The following OSBPL10 variants were observed in gnomAD, a reference collection of about 807,000 sequenced individuals.
OSBPL10 encodes oxysterol-binding protein-related protein 10.
A neutral mutation model predicts 81.7 loss-of-function variants in OSBPL10; 49 were observed. The observed-to-expected ratio is 0.60, with a 90% confidence interval of 0.48 to 0.76. The LOEUF is 0.76. Ranked by LOEUF, OSBPL10 falls within the 30% of genes least tolerant of loss-of-function variation. The pLI, the probability that OSBPL10 is intolerant of heterozygous loss-of-function variation, is 0.00. For synonymous variants in OSBPL10, 419 were observed against 383.6 expected (o/e 1.09, Z -1.08); for missense variants, 923 against 987.8 (o/e 0.93, Z 0.88).
chr3:31,664,767 G>A, intron 10 of OSBPL10: 1 of 175,348 alleles, frequency 5.7e-6, no homozygotes, highest in East Asian at 1.5e-4. Context: ...GGGGTTAGAG[G>A]CTGATGCATG....
chr3:31,944,555 C>T (rs760033241), intron 1 of OSBPL10, among the ~76,000 whole-genome samples: 2 of 152,156 alleles, frequency 1.3e-5, no homozygotes. Context: ...AAAACCACCA[C>T]CTTCCTGATA....
At chr3:31,963,248 A>ATC (rs1467580300) in intron 1 of OSBPL10, among the ~76,000 whole-genome samples, 1 of 145,458 alleles carries the variant, frequency 6.9e-6, no homozygotes, top group Non-Finnish European at 1.5e-5. Flanking sequence ...ACATCCATCC[A>ATC]TCTCCCTCCC....
intron 1 of OSBPL10, 51 bp from the exon 2 acceptor site, chr3:31,879,881 ACAG>A (rs753733981): frequency 1.3e-6 from 2 of 1,538,834 alleles, no homozygotes; most frequent in Non-Finnish European, 1.7e-6. Context: ...CCTATTCTGC[ACAG>A]CAAAGCAGAA....
intron 5 of OSBPL10, among the ~76,000 whole-genome samples, chr3:31,739,107 T>C (rs76065372): frequency 0.044 from 6,723 of 152,162 alleles, 486 homozygotes; most frequent in African/African-American, 0.15. Context: ...GGCTGGAGTA[T>C]AGTGCTATTC....
At chr3:31,940,360 G>A (rs2125737507) in intron 1 of OSBPL10, among the ~76,000 whole-genome samples, 1 of 152,318 alleles carries the variant, frequency 6.6e-6, no homozygotes, top group South Asian at 2.1e-4. Flanking sequence ...CATGAAATCT[G>A]AGAAAGACAT....
chr3:31,768,171 G>A (rs1698258724), intron 4 of OSBPL10, among the ~76,000 whole-genome samples: 1 of 152,156 alleles, frequency 6.6e-6, no homozygotes, highest in Admixed American at 6.5e-5. Context: ...CTGTCATGGC[G>A]CTGGTGGGAG....
chr3:31,812,790 GAAAGAAAGAAAGAA>G (rs1699732799), intron 4 of OSBPL10, among the ~76,000 whole-genome samples: 1 of 46,266 alleles, frequency 2.2e-5, no homozygotes, highest in African/African-American at 1.0e-4. Flanking sequence ...AAGAAAGAAA[GAAAGAAAGAAAGAA>G]AGAAAGAAAG....
rs1241938096 is a variant in OSBPL10 at position 32,060,712 on chromosome 3, T to C, written n.186-14109A>G. Among the ~76,000 whole-genome samples, 6 of 91,074 alleles carry C rather than the reference T, an allele frequency of 6.6e-5. 3 individuals are homozygous for C. Among genetic ancestry groups the C allele is most frequent in the East Asian group, 5.1e-4 (2 of 3,958 alleles). The allele number at this position is 91,074 out of a possible 152,430, so 59.7% of individuals were successfully genotyped here. A position where few individuals can be genotyped will look rare whatever the true frequency, so the allele number is the denominator to read the frequency against. On this transcript the variant is annotated intron_variant and non_coding_transcript_variant, in intron 1 of 3. Coordinates refer to the OSBPL10 transcript ENST00000479173. ...GGCTCATGCCTGTAATCCCAGTACT[T>C]TGGGAGGCCGAGCTGGGTGGATCAC...
intron 1 of OSBPL10, among the ~76,000 whole-genome samples, chr3:31,936,599 T>C (rs1162432144): frequency 6.6e-6 from 1 of 152,172 alleles, no homozygotes; most frequent in Non-Finnish European, 1.5e-5. Flanking sequence ...ACCATCCATT[T>C]CCATGACACA....
At chr3:31,954,440 A>G (rs542683917) in intron 1 of OSBPL10, among the ~76,000 whole-genome samples, 1 of 152,370 alleles carries the variant, frequency 6.6e-6, no homozygotes, top group South Asian at 2.1e-4. Flanking sequence ...CTCAGCAATA[A>G]AAAGGAATCC....
intron 3 of OSBPL10, among the ~76,000 whole-genome samples, chr3:31,872,618 A>T (rs1051568413): frequency 9.0e-5 from 13 of 145,164 alleles, no homozygotes; most frequent in African/African-American, 3.3e-4. Flanking sequence ...ATGAAATTCA[A>T]AAGCTTTTTT....
At chr3:31,816,286 G>A (rs1010226713) in intron 4 of OSBPL10, among the ~76,000 whole-genome samples, 1 of 152,048 alleles carries the variant, frequency 6.6e-6, no homozygotes, top group Admixed American at 6.5e-5. Context: ...TTAACCAACC[G>A]CCTAGATCAT....
chr3:31,875,535 A>T (rs1040335063), intron 3 of OSBPL10, among the ~76,000 whole-genome samples: 1 of 144,042 alleles, frequency 6.9e-6, no homozygotes, highest in African/African-American at 2.6e-5. Context: ...AAGCAAGTTA[A>T]GGAAAAGGGG....
chr3:31,881,946 G>C (rs1017400036), intron 1 of OSBPL10, among the ~76,000 whole-genome samples: 1 of 152,148 alleles, frequency 6.6e-6, no homozygotes, highest in African/African-American at 2.4e-5. Context: ...GTTCAGGCTC[G>C]GGTCCACTCC....
chr3:31,871,864 A>G (rs1227576118), intron 3 of OSBPL10, among the ~76,000 whole-genome samples: 1 of 150,110 alleles, frequency 6.7e-6, no homozygotes, highest in African/African-American at 2.5e-5. Flanking sequence ...CTGTCTCAAA[A>G]CACACACACA....
intron 4 of OSBPL10, among the ~76,000 whole-genome samples, chr3:31,782,342 T>C (rs1575540604): frequency 6.6e-6 from 1 of 152,066 alleles, no homozygotes; most frequent in African/African-American, 2.4e-5. Context: ...TTCTAGACGA[T>C]AACATGGGAA....
chr3:31,888,115 C>CA (rs1695789730), intron 1 of OSBPL10, among the ~76,000 whole-genome samples: 1 of 151,982 alleles, frequency 6.6e-6, no homozygotes, highest in Admixed American at 6.6e-5. Context: ...GGTACTGGCA[C>CA]AAAAAAGAGA....
chr3:31,812,734 G>T (rs1369666843), intron 4 of OSBPL10, among the ~76,000 whole-genome samples: 1 of 17,666 alleles, frequency 5.7e-5, no homozygotes, highest in South Asian at 2.6e-3. Context: ...AAGAAAGAAA[G>T]AAAGAAAGAA....
chr3:32,059,355 G>A (rs889650293), intron 1 of OSBPL10, among the ~76,000 whole-genome samples: 9 of 152,036 alleles, frequency 5.9e-5, no homozygotes, highest in East Asian at 3.9e-4. Flanking sequence ...TTGGGAGGCC[G>A]AGGTGGGTGG....
Sources: gnomAD v4.1 joint callset for allele counts (sites outside exome capture counted in the v4.1 genomes callset) on GRCh38, gnomAD v4.1.1 for gene constraint, MANE v1.5 for transcripts, NCBI Gene and HGNC (gene_info 2026-07-23, HGNC 2026-07-21) for gene names.